MAP2K5: variants seen among roughly 807,000 people sequenced by gnomAD.
The protein encoded by MAP2K5 is mitogen-activated protein kinase kinase 5.
In MAP2K5, 49 loss-of-function variants were observed where a neutral mutation model predicts 83.1. The observed-to-expected ratio is 0.59, with a 90% confidence interval of 0.47 to 0.75. The LOEUF (loss-of-function observed/expected upper bound fraction) is 0.75. Among genes scored for constraint, MAP2K5 ranks in the 30% least tolerant of loss-of-function variants. The probability of loss-of-function intolerance (pLI) is 0.00; values close to 1 mark genes in which losing one functional copy is unlikely to be tolerated. For synonymous variants in MAP2K5, 202 were observed against 191.8 expected, an observed-to-expected ratio of 1.05 and a Z score of -0.44; for missense variants, 457 against 557.5, an observed-to-expected ratio of 0.82 and a Z score of 1.82.
chr15:67,656,329 T>A (rs1310813683), intron 11 of MAP2K5, among the ~76,000 whole-genome samples: 2 of 150,926 alleles, frequency 1.3e-5, no homozygotes, highest in African/African-American at 4.9e-5. Flanking sequence ...CCTTTTAATT[T>A]TTTTTTTTTT....
In MAP2K5 at chr15:67,543,254, C is replaced by G. The variant is rs1286445371; in HGVS notation, c.-82C>G. 6.9e-7 allele frequency: 1 copy of G among 1,453,332 alleles called. No homozygotes were observed. Among genetic ancestry groups the G allele is most frequent in the African/African-American group, 1.4e-5 (1 of 71,866 alleles). The allele number at this position is 1,453,332 out of a possible 1,614,324, so 90.0% of individuals were successfully genotyped here. Reference sequence around the variant, plus strand: ...CCCTCTGTCCTCTGCCCGTCACTCCCCTTGTCACCTCTTGGAGCCCCCTCC... The same window carrying G: ...CCCTCTGTCCTCTGCCCGTCACTCCGCTTGTCACCTCTTGGAGCCCCCTCC... On this transcript the variant is annotated 5_prime_UTR_variant, in exon 1 of 22. Coordinates refer to ENST00000178640, the MANE Select transcript of MAP2K5 (RefSeq NM_145160.3). The surrounding 1 kb of genome is among the most constrained non-coding windows in gnomAD (Gnocchi z 4.3).
At chr15:67,765,760 GAC>G (rs763323468) in intron 19 of MAP2K5, among the ~76,000 whole-genome samples, 1 of 151,994 alleles carries the variant, frequency 6.6e-6, no homozygotes, top group Admixed American at 6.6e-5. Context: ...TGCAGGTACA[GAC>G]ACACACACAC....
At chr15:67,600,844 A>G (rs976995396) in intron 8 of MAP2K5, 95 bp downstream of exon 8, 16 of 831,634 alleles carry the variant, frequency 1.9e-5, no homozygotes, top group Middle Eastern at 4.7e-4. Context: ...GACCACTAAC[A>G]CTTAGATTTT....
Position 67,698,093 on chromosome 15 carries a change from A to G in MAP2K5, c.972+4525A>G, listed in dbSNP as rs948910571. ...GATACCTTCATCCAAACCATGAAAG[A>G]TTTTCAACCACATTTTGATAGGATT... On this transcript the variant is annotated intron_variant, in intron 15 of 21. Transcript: ENST00000178640. This position sits in a 1 kb window ranked among gnomAD's most constrained non-coding sequence, Gnocchi z 4.5. Among the ~76,000 whole-genome samples, 3 of 152,180 alleles carry G rather than the reference A, an allele frequency of 2.0e-5. No individual in the cohort carries two copies. The highest frequency in any genetic ancestry group is 7.2e-5 in the African/African-American group (3 of 41,432).
chr15:67,599,259 G>A (rs2085598468), intron 7 of MAP2K5, among the ~76,000 whole-genome samples: 1 of 152,154 alleles, frequency 6.6e-6, no homozygotes, highest in Non-Finnish European at 1.5e-5. Flanking sequence ...GTTGCCAATT[G>A]TTCTGGCATG....
Position 67,739,177 on chromosome 15 carries a change from G to A in MAP2K5, c.1075-9054G>A, listed in dbSNP as rs1277505969. The stretch of plus-strand genomic sequence containing the variant: ...TGCCTATAGTCCCAGCTATTCAGGA[G>A]GCTGAGGAGGGAGGATCACTTGTGC... On this transcript the variant is annotated intron_variant, in intron 17 of 21. Transcript: ENST00000178640. Among the ~76,000 whole-genome samples, 3 of 151,054 alleles carry A rather than the reference G, an allele frequency of 2.0e-5. No homozygotes were observed. In the East Asian group the frequency reaches 5.9e-4, roughly 30 times the overall value.
At chr15:67,683,676 C>G (rs2141188399) in intron 13 of MAP2K5, among the ~76,000 whole-genome samples, 1 of 152,276 alleles carries the variant, frequency 6.6e-6, no homozygotes, top group East Asian at 1.9e-4. Context: ...GCAGGAGAAG[C>G]TTGAACCTGG....
At chr15:67,672,561 G>A (rs1173692584) in intron 13 of MAP2K5, among the ~76,000 whole-genome samples, 1 of 150,166 alleles carries the variant, frequency 6.7e-6, no homozygotes, top group East Asian at 2.0e-4. Context: ...CTGGATATTA[G>A]CCCTTTGTCA....
At chr15:67,704,774 G>A (rs138701671) in intron 16 of MAP2K5, among the ~76,000 whole-genome samples, 6 of 152,244 alleles carry the variant, frequency 3.9e-5, no homozygotes, top group African/African-American at 1.4e-4. Flanking sequence ...TAGTGTTTTT[G>A]ATTTGTGGGA....
At chr15:67,560,889 T>C (rs1459000916) in intron 2 of MAP2K5, among the ~76,000 whole-genome samples, 1 of 152,230 alleles carries the variant, frequency 6.6e-6, no homozygotes, top group Non-Finnish European at 1.5e-5. Flanking sequence ...TTTAAATGAT[T>C]TTTATGTAAT....
chr15:67,693,385 A>T (rs1455343772), intron 14 of MAP2K5, 133 bp from the exon 15 acceptor site: 3 of 696,892 alleles, frequency 4.3e-6, no homozygotes, highest in African/African-American at 1.8e-5. Flanking sequence ...GCCTTTGTAG[A>T]TAAATTTGTT....
intron 17 of MAP2K5, among the ~76,000 whole-genome samples, chr15:67,739,330 T>C (rs2089416974): frequency 6.7e-6 from 1 of 149,000 alleles, no homozygotes; most frequent in African/African-American, 2.5e-5. Context: ...CAGTTCATTC[T>C]TGATCCATGA....
At chr15:67,701,307 C>T (rs1020654125) in intron 15 of MAP2K5, among the ~76,000 whole-genome samples, 27 of 152,146 alleles carry the variant, frequency 1.8e-4, no homozygotes, top group Admixed American at 1.5e-3. Flanking sequence ...CTTATTTGTT[C>T]ATGCAGTAAA....
Position 67,710,502 on chromosome 15 carries a change from T to G in MAP2K5, c.1044+7094T>G, listed in dbSNP as rs1023588961. ...AAGTAACATCATCTTCTGAAGTTTTTTTTTTTTTTTTTTTTTTTTGAGATA... is the reference window on the plus strand; with the variant it reads ...AAGTAACATCATCTTCTGAAGTTTTGTTTTTTTTTTTTTTTTTTTGAGATA... On this transcript the variant is annotated intron_variant, in intron 16 of 21. Transcript: ENST00000178640. 1.1e-3 allele frequency among the ~76,000 whole-genome samples: 153 copies of G among 139,828 alleles called. 1 individual carries two copies. Among genetic ancestry groups the G allele is most frequent in the African/African-American group, 4.3e-3 (149 of 34,478 alleles). The allele number at this position is 139,828 out of a possible 152,430, so 91.7% of individuals were successfully genotyped here.
At chr15:67,739,726 C>A (rs1264760712) in intron 17 of MAP2K5, among the ~76,000 whole-genome samples, 2 of 151,670 alleles carry the variant, frequency 1.3e-5, no homozygotes, top group Non-Finnish European at 2.9e-5. Context: ...GGTGATCCAC[C>A]CACCTCGGCC....
chr15:67,675,989 C>G (rs1187084802), intron 13 of MAP2K5, among the ~76,000 whole-genome samples: 1 of 152,148 alleles, frequency 6.6e-6, no homozygotes, highest in African/African-American at 2.4e-5. Context: ...CAGTCCCCAC[C>G]TCTAAAAGCC....
intron 21 of MAP2K5, among the ~76,000 whole-genome samples, chr15:67,805,476 C>A (rs563461393): frequency 6.6e-6 from 1 of 152,346 alleles, no homozygotes; most frequent in South Asian, 2.1e-4. Context: ...CCATGCGGCT[C>A]TTTAAGCAGC....
chr15:67,763,621 G>A (rs547263757), intron 19 of MAP2K5, among the ~76,000 whole-genome samples: 17 of 151,380 alleles, frequency 1.1e-4, no homozygotes, highest in African/African-American at 4.1e-4. Context: ...TGAGGGTCCA[G>A]TTTTTTTTCA....
intron 21 of MAP2K5, among the ~76,000 whole-genome samples, chr15:67,804,558 G>T (rs1431788190): frequency 6.6e-6 from 1 of 152,234 alleles, no homozygotes. Flanking sequence ...CTGCCTCCCT[G>T]CAGTGCGGCC....
Sources: gnomAD v4.1 joint callset for allele counts (sites outside exome capture counted in the v4.1 genomes callset) on GRCh38, gnomAD v4.1.1 for gene constraint, Gnocchi (gnomAD v3.1) non-coding constraint, MANE v1.5 for transcripts, NCBI Gene and HGNC (gene_info 2026-07-23, HGNC 2026-07-21) for gene names.